NDNF: variants seen among roughly 807,000 people sequenced by gnomAD.
The protein encoded by NDNF is neuron derived neurotrophic factor.
Under a neutral mutation model 42.0 loss-of-function variants are expected in NDNF, and 16 were observed. The observed-to-expected ratio is 0.38, with a 90% CI of 0.26 to 0.58. The LOEUF is 0.58. NDNF is among the 20% of genes least tolerant of loss of function. NDNF has a pLI of 0.67. For synonymous variants in NDNF, 248 were observed against 251.7 expected, an observed-to-expected ratio of 0.99 and a Z score of 0.14; for missense variants, 616 against 666.2, an observed-to-expected ratio of 0.92 and a Z score of 0.83.
At chr4:121,063,492 C>G (rs1727448940) in intron 1 of NDNF, among the ~76,000 whole-genome samples, 1 of 152,078 alleles carries the variant, frequency 6.6e-6, no homozygotes. Flanking sequence ...AGAAATCAAA[C>G]TCAACAAATA....
intron 3 of NDNF, 69 bp downstream of exon 3, chr4:121,039,861 G>C: frequency 1.4e-5 from 22 of 1,539,922 alleles, no homozygotes; most frequent in Non-Finnish European, 1.8e-5. Context: ...CACATAGAAG[G>C]TTGTATGTTT....
intron 1 of NDNF, among the ~76,000 whole-genome samples, chr4:121,067,681 C>T (rs1268189690): frequency 1.3e-5 from 2 of 152,158 alleles, no homozygotes; most frequent in Non-Finnish European, 2.9e-5. Context: ...AATCTACAGA[C>T]CATTTTGCTA....
chr4:121,067,319 T>G (rs1727516294), intron 1 of NDNF, among the ~76,000 whole-genome samples: 1 of 152,192 alleles, frequency 6.6e-6, no homozygotes, highest in South Asian at 2.1e-4. Context: ...AAGATTCATT[T>G]TAGAGTTTTC....
chr4:121,063,288 T>C (rs1727444694), intron 1 of NDNF, among the ~76,000 whole-genome samples: 1 of 152,240 alleles, frequency 6.6e-6, no homozygotes, highest in Non-Finnish European at 1.5e-5. Context: ...TTCAATATCA[T>C]GGGTTATGTG....
chr4:121,047,710 T>G (rs1727118482), intron 1 of NDNF, among the ~76,000 whole-genome samples: 1 of 152,060 alleles, frequency 6.6e-6, no homozygotes, highest in African/African-American at 2.4e-5. Flanking sequence ...TTTTGAAGAG[T>G]TTGGATGGGT....
intron 1 of NDNF, among the ~76,000 whole-genome samples, chr4:121,060,807 C>T (rs753624021): frequency 1.3e-5 from 2 of 152,294 alleles, no homozygotes; most frequent in African/African-American, 4.8e-5. Flanking sequence ...ATCTTTACCC[C>T]CAAGGTCCCC....
At chr4:121,043,891 AGAT>A (rs1048552558) in intron 2 of NDNF, among the ~76,000 whole-genome samples, 3 of 152,234 alleles carry the variant, frequency 2.0e-5, no homozygotes, top group African/African-American at 7.2e-5. Flanking sequence ...TTAATAGTTA[AGAT>A]TAACTTGAAG....
chr4:121,064,616 T>G (rs559598522), intron 1 of NDNF, among the ~76,000 whole-genome samples: 5 of 152,286 alleles, frequency 3.3e-5, no homozygotes, highest in Non-Finnish European at 7.3e-5. Flanking sequence ...GTGACTAATT[T>G]GAGAGCTTTT....
chr4:121,036,996 G>C lies in NDNF; in HGVS notation c.975C>G (p.Thr325=). ...FVVNINSNMS[T]AYVGTFARTK... is the part of the protein sequence containing the mutation. Reference sequence around the variant, plus strand: ...TCCTGGCAAAGGTACCTACATAAGCGGTGCTCATGTTGCTGTTGATGTTGA... The same window carrying C: ...TCCTGGCAAAGGTACCTACATAAGCCGTGCTCATGTTGCTGTTGATGTTGA... Residue 325 remains threonine, a synonymous_variant, in exon 4 of 4, where the codon ACC becomes ACG. Coordinates refer to ENST00000379692, the MANE Select transcript of NDNF (RefSeq NM_024574.4). The C allele has an allele frequency of 6.2e-7, 1 of 1,613,854 alleles. No homozygotes were observed. Among genetic ancestry groups the C allele is most frequent in the Non-Finnish European group, 8.5e-7 (1 of 1,179,980 alleles).
intron 1 of NDNF, 104 bp from the exon 2 acceptor site, chr4:121,045,942 T>C: frequency 9.6e-7 from 1 of 1,042,566 alleles, no homozygotes; most frequent in Non-Finnish European, 1.3e-6. Flanking sequence ...GATGGAAATT[T>C]AGGGACGCAT....
chr4:121,043,510 G>A (rs141439549), intron 2 of NDNF, among the ~76,000 whole-genome samples: 60 of 151,546 alleles, frequency 4.0e-4, no homozygotes, highest in African/African-American at 1.0e-3. Context: ...AATCATTGGC[G>A]GAAAAAAGAT....
rs748156175 is a variant in NDNF, at chr4:121,045,807, G to A, written c.31C>T (p.Leu11Phe). Residue 11 changes from leucine to phenylalanine, a missense_variant, in exon 2 of 4, where the codon CTC becomes TTC. Physicochemically the swap from Leu to Phe is conservative, Grantham distance 22 (BLOSUM62 0). Coordinates refer to ENST00000379692, the MANE Select transcript of NDNF (RefSeq NM_024574.4). ...GTCCTTGAGCTGAGTGGAAACAGGA[G>A]CCACAGCAGGCACCAGTGGAGCAGC... MVLLHWCLLW[L>F]LFPLSSRTQK... is the part of the protein sequence containing the mutation. 28 of 1,614,156 alleles carry A rather than the reference G, an allele frequency of 1.7e-5. No individual in the cohort carries two copies. In the East Asian group the frequency reaches 6.2e-4, roughly 36 times the overall value.
At chr4:121,045,589 C>T in intron 2 of NDNF, 61 bp downstream of exon 2, 2 of 1,410,884 alleles carry the variant, frequency 1.4e-6, no homozygotes, top group South Asian at 1.2e-5. Context: ...AAAGGTTACT[C>T]TCTTTTTTGG....
intron 1 of NDNF, among the ~76,000 whole-genome samples, chr4:121,067,105 C>T (rs779669553): frequency 2.0e-5 from 3 of 152,206 alleles, no homozygotes; most frequent in Non-Finnish European, 4.4e-5. Flanking sequence ...AAGAGTTCCA[C>T]TCAAATGAGT....
chr4:121,039,276 A>G (rs1270330487), intron 3 of NDNF, among the ~76,000 whole-genome samples: 1 of 145,376 alleles, frequency 6.9e-6, no homozygotes, highest in East Asian at 2.0e-4. Flanking sequence ...TAGGGCACCC[A>G]TTGTCAAGCC....
chr4:121,047,027 T>C (rs1467345488), intron 1 of NDNF, among the ~76,000 whole-genome samples: 1 of 152,228 alleles, frequency 6.6e-6, no homozygotes, highest in African/African-American at 2.4e-5. Context: ...TGAGGTACTT[T>C]AAATAGCAAA....
At chr4:121,057,870 T>G (rs192701395) in intron 1 of NDNF, among the ~76,000 whole-genome samples, 1 of 152,312 alleles carries the variant, frequency 6.6e-6, no homozygotes, top group African/African-American at 2.4e-5. Context: ...GAGCTCTCCC[T>G]GTACACTGTC....
chr4:121,051,147 C>A (rs17051284), intron 1 of NDNF, among the ~76,000 whole-genome samples: 1 of 151,934 alleles, frequency 6.6e-6, no homozygotes, highest in Non-Finnish European at 1.5e-5. Flanking sequence ...CACTTTCTTG[C>A]GAGCAGGTAA....
At chr4:121,039,207 T>A (rs867392391) in intron 3 of NDNF, among the ~76,000 whole-genome samples, 3 of 49,896 alleles carry the variant, frequency 6.0e-5, no homozygotes, top group East Asian at 1.1e-3. Context: ...TATATATATA[T>A]ATATATATAT....
Sources: allele counts gnomAD v4.1 joint callset (sites outside exome capture counted in the v4.1 genomes callset), GRCh38; gene constraint gnomAD v4.1.1; transcripts MANE v1.5; gene names NCBI Gene and HGNC (gene_info 2026-07-23, HGNC 2026-07-21).